Variants in DLG2 observed in about 807,000 individuals in gnomAD.
The protein encoded by DLG2 is disks large homolog 2.
Under a neutral mutation model 132.5 loss-of-function variants are expected in DLG2, and 45 were observed. That is an observed-to-expected ratio of 0.34 (90% confidence interval 0.27 to 0.44). The LOEUF (loss-of-function observed/expected upper bound fraction) is 0.44. DLG2 is among the 20% of genes least tolerant of loss of function. DLG2 has a pLI of 1.00. For synonymous variants in DLG2, 424 were observed against 419.6 expected, an observed-to-expected ratio of 1.01 and a Z score of -0.13; for missense variants, 1,045 against 1,196.9, an observed-to-expected ratio of 0.87 and a Z score of 1.87.
chr11:84,318,472 G>A (rs1280155289), intron 7 of DLG2, among the ~76,000 whole-genome samples: 1 of 152,160 alleles, frequency 6.6e-6, no homozygotes, highest in Admixed American at 6.5e-5. Flanking sequence ...ACCATCAGAT[G>A]CCATCAAATC....
chr11:84,478,113 A>G (rs917358952), intron 7 of DLG2, among the ~76,000 whole-genome samples: 8 of 152,144 alleles, frequency 5.3e-5, no homozygotes, highest in African/African-American at 1.7e-4. Flanking sequence ...TACTTAATAA[A>G]AGAGGTTAAT....
At chr11:85,559,215 G>A (rs1052385751) in intron 3 of DLG2, among the ~76,000 whole-genome samples, 2 of 149,522 alleles carry the variant, frequency 1.3e-5, no homozygotes, top group South Asian at 4.3e-4. Flanking sequence ...GCAATGGCAT[G>A]ATCTCGGTTC....
At chr11:85,059,214 G>C (rs1417397904) in intron 6 of DLG2, among the ~76,000 whole-genome samples, 1 of 150,910 alleles carries the variant, frequency 6.6e-6, no homozygotes, top group South Asian at 2.1e-4. Context: ...TTCTTAATGA[G>C]AGAAATACAA....
At chr11:84,269,772 G>A (rs1190763104) in intron 7 of DLG2, among the ~76,000 whole-genome samples, 1 of 152,176 alleles carries the variant, frequency 6.6e-6, no homozygotes, top group Non-Finnish European at 1.5e-5. Flanking sequence ...CATAAGAACT[G>A]TACTTAGGAC....
At chr11:83,657,531 A>ATT (rs2072895726) in intron 18 of DLG2, among the ~76,000 whole-genome samples, 7 of 103,190 alleles carry the variant, frequency 6.8e-5, no homozygotes, top group African/African-American at 2.1e-4. Flanking sequence ...TATATTGTCT[A>ATT]TTCTTTTTTT....
chr11:85,475,331 A>G (rs1407455622), intron 3 of DLG2, among the ~76,000 whole-genome samples: 1 of 151,956 alleles, frequency 6.6e-6, no homozygotes, highest in Non-Finnish European at 1.5e-5. Flanking sequence ...TTCTATAAAC[A>G]TTCTAAAAAA....
intron 6 of DLG2, among the ~76,000 whole-genome samples, chr11:84,949,924 C>T (rs1474167591): frequency 6.6e-6 from 1 of 152,156 alleles, no homozygotes; most frequent in Non-Finnish European, 1.5e-5. Flanking sequence ...TCCATGAAAT[C>T]TTTACAATTT....
intron 6 of DLG2, among the ~76,000 whole-genome samples, chr11:84,859,476 A>G (rs191070291): frequency 6.8e-6 from 1 of 146,956 alleles, no homozygotes; most frequent in Non-Finnish European, 1.5e-5. Context: ...ATATCCTCCT[A>G]TTGGGTTGTA....
intron 6 of DLG2, among the ~76,000 whole-genome samples, chr11:84,888,125 T>C (rs2088651128): frequency 6.6e-6 from 1 of 152,168 alleles, no homozygotes; most frequent in Admixed American, 6.6e-5. Flanking sequence ...CTCTTTGTGA[T>C]AGTTTATTTT....
At position 84,350,188 on chromosome 11, in the gene DLG2, A is replaced by ACC. The variant is rs1432583055; in HGVS notation, c.520-98898_520-98897insGG. 1.2e-4 allele frequency among the ~76,000 whole-genome samples: 17 copies of ACC among 147,314 alleles called. No homozygotes were observed. The South Asian group carries it at 1.2e-3, about 11-fold the overall frequency. ...GAGAGACTTCGTCCCCCCCCCCAAAAAAAAAAAAAAAAAATCCAGGCTAAA... is the reference window on the plus strand; with the variant it reads ...GAGAGACTTCGTCCCCCCCCCCAAAACCAAAAAAAAAAAAAATCCAGGCTAAA... On this transcript the variant is annotated intron_variant, in intron 7 of 27. Transcript: ENST00000376104.
intron 3 of DLG2, among the ~76,000 whole-genome samples, chr11:85,383,842 C>A (rs1284730848): frequency 6.6e-6 from 1 of 152,162 alleles, no homozygotes; most frequent in Non-Finnish European, 1.5e-5. Flanking sequence ...AGGCTTCCCA[C>A]ACTTCTGCCA....
intron 18 of DLG2, among the ~76,000 whole-genome samples, chr11:83,733,300 G>A (rs1303469561): frequency 6.7e-6 from 1 of 150,332 alleles, no homozygotes; most frequent in Non-Finnish European, 1.5e-5. Context: ...GAGTCAAATG[G>A]CAACCCTGGT....
At chr11:84,785,941 G>C (rs1043851036) in intron 6 of DLG2, among the ~76,000 whole-genome samples, 3 of 151,864 alleles carry the variant, frequency 2.0e-5, no homozygotes, top group Non-Finnish European at 4.4e-5. Flanking sequence ...CCTAGAATAA[G>C]TCTTTTTCTT....
intron 6 of DLG2, among the ~76,000 whole-genome samples, chr11:84,789,572 C>A (rs1455821262): frequency 6.6e-6 from 1 of 152,020 alleles, no homozygotes; most frequent in Non-Finnish European, 1.5e-5. Context: ...TCGAATTATA[C>A]TTTTTAGTTA....
At chr11:85,623,029 AC>A (rs1591393904) in intron 2 of DLG2, among the ~76,000 whole-genome samples, 1 of 151,050 alleles carries the variant, frequency 6.6e-6, no homozygotes, top group East Asian at 2.0e-4. Context: ...CTGCACTCCC[AC>A]CTGGGCTACA....
chr11:84,634,825 G>C (rs1472114198), intron 6 of DLG2, among the ~76,000 whole-genome samples: 1 of 152,154 alleles, frequency 6.6e-6, no homozygotes, highest in African/African-American at 2.4e-5. Flanking sequence ...CAAGCATTAA[G>C]AGCTTCAGCA....
chr11:84,237,170 C>T (rs989044787), intron 8 of DLG2, among the ~76,000 whole-genome samples: 1 of 152,002 alleles, frequency 6.6e-6, no homozygotes, highest in Non-Finnish European at 1.5e-5. Context: ...CCTCGTGATT[C>T]GCCTGCCTCG....
At chr11:84,761,534 G>T (rs1368961092) in intron 6 of DLG2, among the ~76,000 whole-genome samples, 1 of 152,162 alleles carries the variant, frequency 6.6e-6, no homozygotes, top group African/African-American at 2.4e-5. Flanking sequence ...CTGCCAGCAT[G>T]GCCAGAATAA....
intron 3 of DLG2, among the ~76,000 whole-genome samples, chr11:85,514,527 T>C (rs1295838262): frequency 6.6e-6 from 1 of 151,996 alleles, no homozygotes; most frequent in Non-Finnish European, 1.5e-5. Context: ...CTTTACAGAT[T>C]CTTACAGCAC....
Sources: allele counts gnomAD v4.1 joint callset (sites outside exome capture counted in the v4.1 genomes callset), GRCh38; gene constraint gnomAD v4.1.1; transcripts MANE v1.5; gene names NCBI Gene and HGNC (gene_info 2026-07-23, HGNC 2026-07-21).